The following OSBPL10 variants were observed in gnomAD, a reference collection of about 807,000 sequenced individuals.
OSBPL10 encodes oxysterol binding protein like 10.
A neutral mutation model predicts 81.7 loss-of-function variants in OSBPL10; 49 were observed. The observed-to-expected ratio is 0.60, with a 90% CI of 0.48 to 0.76. The LOEUF (loss-of-function observed/expected upper bound fraction) is 0.76. OSBPL10 is among the 30% of genes least tolerant of loss of function. The probability of loss-of-function intolerance (pLI) is 0.00; values close to 1 mark genes in which losing one functional copy is unlikely to be tolerated. For missense variants in OSBPL10, 923 were observed against 987.8 expected (o/e 0.93, Z 0.88); for synonymous variants, 419 against 383.6 (o/e 1.09, Z -1.08).
intron 3 of OSBPL10, among the ~76,000 whole-genome samples, chr3:31,867,028 G>C (rs1701196919): frequency 6.6e-6 from 1 of 152,130 alleles, no homozygotes; most frequent in East Asian, 1.9e-4. Context: ...CCTAAAATTT[G>C]TATTTTAATT....
At chr3:31,897,337 T>G (rs1253201521) in intron 1 of OSBPL10, among the ~76,000 whole-genome samples, 2 of 152,148 alleles carry the variant, frequency 1.3e-5, no homozygotes, top group East Asian at 3.9e-4. Context: ...AGCTGGAAGA[T>G]TAATCAAGGC....
At chr3:31,783,424 C>A (rs866610888) in intron 4 of OSBPL10, among the ~76,000 whole-genome samples, 1 of 151,670 alleles carries the variant, frequency 6.6e-6, no homozygotes, top group Non-Finnish European at 1.5e-5. Flanking sequence ...TCAGGTGATG[C>A]GTGTACCAGA....
intron 7 of OSBPL10, among the ~76,000 whole-genome samples, chr3:31,686,213 CTAAA>C (rs1700789830): frequency 6.6e-6 from 1 of 151,568 alleles, no homozygotes; most frequent in Non-Finnish European, 1.5e-5. Flanking sequence ...GAATTGTGAG[CTAAA>C]TAAATGTACT....
At chr3:31,916,648 C>T (rs75196517) in intron 1 of OSBPL10, among the ~76,000 whole-genome samples, 296 of 152,296 alleles carry the variant, frequency 1.9e-3, no homozygotes, top group African/African-American at 6.6e-3. Flanking sequence ...AATGTTTGTT[C>T]CACTCAGTAC....
chr3:31,848,940 A>G (rs1700697884), intron 3 of OSBPL10, among the ~76,000 whole-genome samples: 1 of 152,190 alleles, frequency 6.6e-6, no homozygotes, highest in African/African-American at 2.4e-5. Context: ...TACTTAGCAA[A>G]AAGTTCAGAG....
chr3:32,034,639 A>G (rs1483220488), intron 2 of OSBPL10, among the ~76,000 whole-genome samples: 4 of 152,218 alleles, frequency 2.6e-5, no homozygotes, highest in African/African-American at 9.6e-5. Context: ...AAATAATTTT[A>G]CTGCCCTGTA....
intron 5 of OSBPL10, among the ~76,000 whole-genome samples, chr3:31,742,832 C>T (rs7630593): frequency 0.018 from 2,757 of 152,136 alleles, 80 homozygotes; most frequent in African/African-American, 0.062. Context: ...AGAGCACAAC[C>T]TTTTCCAGTT....
chr3:32,041,612 T>C (rs1699576244), intron 2 of OSBPL10, among the ~76,000 whole-genome samples: 1 of 151,290 alleles, frequency 6.6e-6, no homozygotes, highest in Non-Finnish European at 1.5e-5. Flanking sequence ...GTGGAAGTGA[T>C]ACCACTGAGT....
chr3:31,712,204 T>C (rs1386796312), intron 6 of OSBPL10, among the ~76,000 whole-genome samples: 1 of 152,212 alleles, frequency 6.6e-6, no homozygotes, highest in Non-Finnish European at 1.5e-5. Context: ...TCTAAATGTA[T>C]GTTTCCTAAG....
At chr3:32,056,216 C>A (rs1395562364) in intron 1 of OSBPL10, among the ~76,000 whole-genome samples, 1 of 152,080 alleles carries the variant, frequency 6.6e-6, no homozygotes, top group Non-Finnish European at 1.5e-5. Context: ...GAGTTTTTTT[C>A]TGCAATTTAG....
At chr3:31,695,801 T>G (rs2125578023) in intron 7 of OSBPL10, among the ~76,000 whole-genome samples, 1 of 152,248 alleles carries the variant, frequency 6.6e-6, no homozygotes, top group South Asian at 2.1e-4. Context: ...CTAATAACCC[T>G]TTGCTCTTTA....
At chr3:31,995,020 T>C (rs1699075644) in intron 2 of OSBPL10, among the ~76,000 whole-genome samples, 1 of 152,142 alleles carries the variant, frequency 6.6e-6, no homozygotes, top group African/African-American at 2.4e-5. Flanking sequence ...GGAAGGGGTA[T>C]ATGAATAGGG....
chr3:31,823,458 A>G (rs1172569587), intron 4 of OSBPL10, among the ~76,000 whole-genome samples: 1 of 152,230 alleles, frequency 6.6e-6, no homozygotes, highest in Non-Finnish European at 1.5e-5. Context: ...CTCACAGTCT[A>G]GGGCAGTGCT....
chr3:31,692,307 T>G (rs1408552189), intron 7 of OSBPL10, among the ~76,000 whole-genome samples: 1 of 152,196 alleles, frequency 6.6e-6, no homozygotes, highest in African/African-American at 2.4e-5. Context: ...CTAGGCTGAT[T>G]GTGAGTATTA....
intron 8 of OSBPL10, among the ~76,000 whole-genome samples, chr3:31,677,489 T>C (rs1700508407): frequency 6.6e-6 from 1 of 152,172 alleles, no homozygotes; most frequent in Non-Finnish European, 1.5e-5. Context: ...ACAGTCTCTC[T>C]CCAGAATCTT....
At chr3:32,009,873 G>A (rs748119223) in intron 2 of OSBPL10, among the ~76,000 whole-genome samples, 11 of 152,278 alleles carry the variant, frequency 7.2e-5, no homozygotes, top group Admixed American at 5.2e-4. Context: ...ATGTCTCTGC[G>A]AGTATTTCTA....
chr3:32,039,704 C>A (rs1451724579), intron 2 of OSBPL10, among the ~76,000 whole-genome samples: 1 of 151,844 alleles, frequency 6.6e-6, no homozygotes, highest in African/African-American at 2.4e-5. Flanking sequence ...TAAGGAGAAG[C>A]AAACAAAATC....
intron 1 of OSBPL10, among the ~76,000 whole-genome samples, chr3:31,965,660 TTA>T (rs1283553560): frequency 1.6e-4 from 2 of 12,642 alleles, no homozygotes; most frequent in African/African-American, 2.3e-4. Context: ...ATATTATATA[TTA>T]TATATTTTAT....
At chr3:31,766,337 G>GTTTTTTTTTT (rs1259127969) in intron 4 of OSBPL10, among the ~76,000 whole-genome samples, 2 of 26,830 alleles carry the variant, frequency 7.5e-5, no homozygotes, top group African/African-American at 1.1e-4. Flanking sequence ...TTGTTTTTTT[G>GTTTTTTTTTT]TTTTTTTTTG....
Sources: gnomAD v4.1 joint callset for allele counts (sites outside exome capture counted in the v4.1 genomes callset) on GRCh38, gnomAD v4.1.1 for gene constraint, MANE v1.5 for transcripts, NCBI Gene and HGNC (gene_info 2026-07-23, HGNC 2026-07-21) for gene names.